DORIP1: variants seen among roughly 807,000 people sequenced by gnomAD.
The protein encoded by DORIP1 is dopamine receptor interacting protein 1.
the DORIP1 span, chr14:44,903,100 G>A: frequency 2.7e-6 from 2 of 732,532 alleles, no homozygotes; most frequent in Admixed American, 2.1e-5. Context: ...GGTTATACTT[G>A]GTATAACTGG....
the DORIP1 span, chr14:44,904,184 G>A: frequency 2.0e-6 from 2 of 985,308 alleles, no homozygotes; most frequent in Non-Finnish European, 2.4e-6. Context: ...TTTTAAACGT[G>A]TCATTTCTAG....
the DORIP1 span, chr14:44,905,550 A>C: frequency 6.7e-7 from 1 of 1,487,122 alleles, no homozygotes; most frequent in Non-Finnish European, 9.1e-7. Context: ...CAGAGAAATA[A>C]ATATAGATTG....
At chr14:44,903,085 A>G in the DORIP1 span, 3 of 638,270 alleles carry the variant, frequency 4.7e-6, no homozygotes, top group Non-Finnish European at 8.3e-6. Flanking sequence ...TGAATGTGTC[A>G]TAAAGGTTAT....
chr14:44,900,907 T>G, the DORIP1 span: 6 of 1,610,962 alleles, frequency 3.7e-6, no homozygotes, highest in South Asian at 5.5e-5. Context: ...CTGTTCCAAC[T>G]GGCGATGCCC....
At chr14:44,905,498 CAG>C in the DORIP1 span, 1 of 1,553,924 alleles carries the variant, frequency 6.4e-7, no homozygotes, top group African/African-American at 1.3e-5. Context: ...AATAAACCCC[CAG>C]AGTTTCTCCT....
At chr14:44,898,361 G>A in the DORIP1 span, among the ~76,000 whole-genome samples, 3 of 152,000 alleles carry the variant, frequency 2.0e-5, no homozygotes, top group Non-Finnish European at 4.4e-5. Flanking sequence ...TGCCACATAT[G>A]TCATTATAGT....
At chr14:44,904,239 T>C in the DORIP1 span, 1 of 985,224 alleles carries the variant, frequency 1.0e-6, no homozygotes, top group African/African-American at 1.7e-5. Flanking sequence ...TTAGGTGATA[T>C]AAGGTAGTAA....
At chr14:44,897,302 A>G in the DORIP1 span, 2 of 152,946 alleles carry the variant, frequency 1.3e-5, no homozygotes, top group Non-Finnish European at 1.5e-5. Context: ...TTCCTCCGTA[A>G]TAAGAAGCGA....
the DORIP1 span, among the ~76,000 whole-genome samples, chr14:44,898,269 A>G: frequency 2.6e-5 from 4 of 152,144 alleles, no homozygotes; most frequent in South Asian, 2.1e-4. Flanking sequence ...ACAAATCACC[A>G]AATTCATGAT....
the DORIP1 span, among the ~76,000 whole-genome samples, chr14:44,898,086 T>C: frequency 1.3e-5 from 2 of 152,176 alleles, no homozygotes; most frequent in Non-Finnish European, 2.9e-5. Flanking sequence ...TCCAGGTTTA[T>C]TCAAATTGGA....
At chr14:44,905,253 A>G in the DORIP1 span, 2 of 652,690 alleles carry the variant, frequency 3.1e-6, no homozygotes, top group African/African-American at 1.9e-5. Flanking sequence ...TATCTTTTTC[A>G]GGGAACAGAA....
chr14:44,902,727 T>C, the DORIP1 span, among the ~76,000 whole-genome samples: 3 of 152,264 alleles, frequency 2.0e-5, no homozygotes, highest in South Asian at 6.2e-4. Flanking sequence ...TTTTTCATCA[T>C]ACTCTATAAC....
the DORIP1 span, chr14:44,906,914 T>C: frequency 6.6e-6 from 1 of 152,024 alleles, no homozygotes. Flanking sequence ...CAAACTGATT[T>C]ATTTTACAAA....
the DORIP1 span, chr14:44,904,761 C>A: frequency 2.7e-6 from 1 of 363,938 alleles, no homozygotes; most frequent in Non-Finnish European, 4.7e-6. Context: ...CAAATCCTAG[C>A]CCCATCTTTT....
the DORIP1 span, chr14:44,901,085 G>A: frequency 1.1e-6 from 1 of 874,574 alleles, no homozygotes; most frequent in Non-Finnish European, 1.7e-6. Flanking sequence ...ATGCTGGTTT[G>A]TAGGATACTG....
the DORIP1 span, chr14:44,897,532 G>T: frequency 4.8e-6 from 1 of 206,226 alleles, no homozygotes; most frequent in Non-Finnish European, 9.5e-6. Context: ...GGCGGCGACG[G>T]GTGCGGCGGC....
chr14:44,901,205 G>A, the DORIP1 span, among the ~76,000 whole-genome samples: 3 of 152,136 alleles, frequency 2.0e-5, no homozygotes, highest in Admixed American at 6.5e-5. Flanking sequence ...TAGCCTAGGA[G>A]CAATAGGCTT....
the DORIP1 span, chr14:44,906,297 A>G: frequency 6.6e-6 from 1 of 152,154 alleles, no homozygotes; most frequent in South Asian, 2.1e-4. Context: ...GTAATTTGAA[A>G]TGCTCTAATG....
At chr14:44,906,502 C>G in the DORIP1 span, 1 of 152,438 alleles carries the variant, frequency 6.6e-6, no homozygotes, top group Non-Finnish European at 1.5e-5. Context: ...CTACTGGCTT[C>G]CTTGTAAGTA....
Sources: allele counts gnomAD v4.1 joint callset (sites outside exome capture counted in the v4.1 genomes callset), GRCh38; gene constraint gnomAD v4.1.1; transcripts MANE v1.5; gene names NCBI Gene and HGNC (gene_info 2026-07-23, HGNC 2026-07-21).